RBFOX1: variants seen among roughly 807,000 people sequenced by gnomAD.
RBFOX1 encodes RNA binding fox-1 homolog 1.
A neutral mutation model predicts 57.7 loss-of-function variants in RBFOX1; 8 were observed. The ratio of observed to expected loss-of-function variants is 0.14; its 90% CI spans 0.08 to 0.25. The LOEUF is 0.25. RBFOX1 is among the 10% of genes least tolerant of loss of function. RBFOX1 has a pLI of 1.00. For missense variants in RBFOX1, 611 were observed against 548.5 expected (o/e 1.11, Z -1.14); for synonymous variants, 326 against 222.4 (o/e 1.47, Z -4.15).
intron 4 of RBFOX1, among the ~76,000 whole-genome samples, chr16:7,509,430 G>GTCTGTT (rs1491081586): frequency 4.9e-5 from 7 of 141,558 alleles, no homozygotes; most frequent in African/African-American, 1.8e-4. Flanking sequence ...GTGTGTGTGT[G>GTCTGTT]TCTGTGTCTG....
intron 1 of RBFOX1, among the ~76,000 whole-genome samples, chr16:5,424,604 A>T (rs1477943370): frequency 6.6e-6 from 1 of 151,792 alleles, no homozygotes; most frequent in Admixed American, 6.6e-5. Flanking sequence ...GTTGACAGGT[A>T]CAGCAAACCA....
At chr16:7,395,048 G>T (rs2098118786) in intron 4 of RBFOX1, among the ~76,000 whole-genome samples, 1 of 152,300 alleles carries the variant, frequency 6.6e-6, no homozygotes. Flanking sequence ...GTTTGCCGCA[G>T]ACTAGGGGGA....
intron 3 of RBFOX1, among the ~76,000 whole-genome samples, chr16:6,796,260 C>T (rs376276009): frequency 1.3e-5 from 2 of 152,080 alleles, no homozygotes; most frequent in East Asian, 1.9e-4. Flanking sequence ...GACCCACCCC[C>T]GTAATTCAGT....
At chr16:7,632,528 C>T (rs1213691235) in intron 11 of RBFOX1, among the ~76,000 whole-genome samples, 2 of 152,194 alleles carry the variant, frequency 1.3e-5, no homozygotes, top group Admixed American at 1.3e-4. Context: ...ATAGATTTGT[C>T]TTCTGAACCT....
chr16:7,111,891 C>T (rs879774285), intron 4 of RBFOX1, among the ~76,000 whole-genome samples: 4 of 152,002 alleles, frequency 2.6e-5, no homozygotes, highest in South Asian at 2.1e-4. Context: ...AAGCTGCTGA[C>T]TGGCTGATTT....
intron 1 of RBFOX1, among the ~76,000 whole-genome samples, chr16:6,062,012 C>T (rs185425402): frequency 8.5e-5 from 13 of 152,202 alleles, no homozygotes; most frequent in African/African-American, 1.2e-4. Context: ...TTAAGTTGAT[C>T]GAGTGGCTTA....
At chr16:6,809,249 T>C (rs1307042650) in intron 3 of RBFOX1, among the ~76,000 whole-genome samples, 1 of 152,202 alleles carries the variant, frequency 6.6e-6, no homozygotes, top group African/African-American at 2.4e-5. Flanking sequence ...TTCTGGGGGC[T>C]GCCTTCTGAA....
chr16:7,116,731 CTGG>C (rs2065981410), intron 4 of RBFOX1, among the ~76,000 whole-genome samples: 1 of 152,158 alleles, frequency 6.6e-6, no homozygotes, highest in African/African-American at 2.4e-5. Context: ...CAGACAGGCT[CTGG>C]AGATGTCCGA....
intron 3 of RBFOX1, among the ~76,000 whole-genome samples, chr16:5,700,641 C>T (rs745518430): frequency 1.3e-5 from 2 of 152,188 alleles, no homozygotes; most frequent in African/African-American, 4.8e-5. Flanking sequence ...GAAAATTCTC[C>T]ATAATGATGT....
chr16:5,506,975 A>G (rs963065173), intron 2 of RBFOX1, among the ~76,000 whole-genome samples: 4 of 152,014 alleles, frequency 2.6e-5, no homozygotes, highest in African/African-American at 7.3e-5. Flanking sequence ...AGAGACCACC[A>G]GATCTCAAAG....
chr16:7,645,030 C>T (rs773379557), intron 11 of RBFOX1, among the ~76,000 whole-genome samples: 1 of 152,144 alleles, frequency 6.6e-6, no homozygotes, highest in African/African-American at 2.4e-5. Context: ...CGAAGTCTAG[C>T]TGAAGTCGAG....
chr16:6,002,592 T>C (rs1037298115), intron 4 of RBFOX1, among the ~76,000 whole-genome samples: 2 of 152,184 alleles, frequency 1.3e-5, no homozygotes, highest in African/African-American at 4.8e-5. Context: ...AACTCCATAA[T>C]TGAGAGAAGA....
At chr16:7,695,649 CAAAAAA>C (rs34363093) in intron 14 of RBFOX1, among the ~76,000 whole-genome samples, 1,288 of 98,370 alleles carry the variant, frequency 0.013, 15 homozygotes, top group South Asian at 0.074. Context: ...AAGCCTCCAT[CAAAAAA>C]AAAAAAAAAA....
At chr16:5,653,098 C>T (rs1348371930) in intron 3 of RBFOX1, among the ~76,000 whole-genome samples, 4 of 151,688 alleles carry the variant, frequency 2.6e-5, no homozygotes, top group Non-Finnish European at 5.9e-5. Context: ...GAGTTGTGTG[C>T]TGGGCCTTTG....
chr16:7,570,255 C>T (rs1360441381), intron 5 of RBFOX1, among the ~76,000 whole-genome samples: 1 of 151,606 alleles, frequency 6.6e-6, no homozygotes, highest in African/African-American at 2.4e-5. Context: ...TCTCTAAAGT[C>T]CTTCACCAGC....
At chr16:6,204,563 C>T (rs374572506) in intron 1 of RBFOX1, among the ~76,000 whole-genome samples, 2 of 152,100 alleles carry the variant, frequency 1.3e-5, no homozygotes, top group Non-Finnish European at 2.9e-5. Flanking sequence ...GTTATTTGAA[C>T]CCAGGCATAG....
At chr16:7,118,407 T>G (rs1256891567) in intron 4 of RBFOX1, among the ~76,000 whole-genome samples, 1 of 152,082 alleles carries the variant, frequency 6.6e-6, no homozygotes, top group Non-Finnish European at 1.5e-5. Context: ...AAATGCCTGT[T>G]CAAGTCAGAG....
intron 4 of RBFOX1, among the ~76,000 whole-genome samples, chr16:7,412,729 A>T (rs1170733009): frequency 6.6e-6 from 1 of 152,110 alleles, no homozygotes; most frequent in Non-Finnish European, 1.5e-5. Context: ...TTAAATTCAG[A>T]TTTTCCCAGG....
chr16:6,330,870 C>T (rs1567951468), intron 2 of RBFOX1, among the ~76,000 whole-genome samples: 3 of 152,222 alleles, frequency 2.0e-5, no homozygotes, highest in East Asian at 1.9e-4. Flanking sequence ...AGGGCAAATT[C>T]TCTGGGAGAG....
Sources: gnomAD v4.1 joint callset for allele counts (sites outside exome capture counted in the v4.1 genomes callset) on GRCh38, gnomAD v4.1.1 for gene constraint, MANE v1.5 for transcripts, NCBI Gene and HGNC (gene_info 2026-07-23, HGNC 2026-07-21) for gene names.